The following KCTD14 variants were observed in gnomAD, a reference collection of about 807,000 sequenced individuals.
KCTD14 encodes the protein potassium channel tetramerization domain containing 14.
KCTD14 carries 7 observed loss-of-function variants against 5.9 expected under a neutral mutation model. The observed-to-expected ratio is 1.19, with a 90% CI of 0.68 to 2.23. The LOEUF is 2.23. Among genes scored for constraint, KCTD14 ranks in the 30% most tolerant of loss-of-function variants. KCTD14 has a pLI of 0.00. For missense variants in KCTD14, 342 were observed against 332.2 expected (o/e 1.03, Z -0.23); for synonymous variants, 140 against 133.1 (o/e 1.05, Z -0.36).
At chr11:78,042,377 G>A (rs56361333) in intron 1 of KCTD14, among the ~76,000 whole-genome samples, 2 of 151,976 alleles carry the variant, frequency 1.3e-5, no homozygotes, top group African/African-American at 4.8e-5. Context: ...GCGTGGTGGC[G>A]CATGTCTATA....
At chr11:78,045,099 C>T (rs1858098977) in intron 1 of KCTD14, among the ~76,000 whole-genome samples, 1 of 152,176 alleles carries the variant, frequency 6.6e-6, no homozygotes, top group African/African-American at 2.4e-5. Flanking sequence ...AGCCCACTCA[C>T]CCAACTCCTG....
At chr11:78,033,668 C>T (rs1213474167) in intron 2 of KCTD14, among the ~76,000 whole-genome samples, 9 of 124,376 alleles carry the variant, frequency 7.2e-5, no homozygotes, top group African/African-American at 2.2e-4. Flanking sequence ...GGCAACAGAG[C>T]GAGACTCCTT....
chr11:78,017,161 G>T lies in KCTD14; in HGVS notation c.200C>A (p.Ala67Asp), dbSNP rs1289606849. 4.3e-6 allele frequency: 7 copies of T among 1,614,004 alleles called. No homozygotes were observed. Among genetic ancestry groups the T allele is most frequent in the Non-Finnish European group, 5.9e-6 (7 of 1,180,026 alleles). Residue 67 changes from alanine to aspartate, a missense_variant, in exon 2 of 2, where the codon GCC becomes GAC. Coordinates refer to ENST00000353172, the MANE Select transcript of KCTD14 (RefSeq NM_023930.4). ...SKLAEMFSSLAKASTDAEGRF... is the reference protein window; with the variant it reads ...SKLAEMFSSLDKASTDAEGRF... ...GCCCTCCGCGTCCGTGGAGGCCTTG[G>T]CTAAGCTAGAGAACATCTCTGCCAG... is the stretch of plus-strand genomic sequence containing the variant.
rs552649395 is a variant in KCTD14, at chr11:78,029,599, C to T, written c.-1+9065G>A. On this transcript the variant is annotated intron_variant, in intron 2 of 2. Transcript: ENST00000533144. ...TTTTGAAACTTAATTTTTCTCTCTC[C>T]TGTTCTCACTTTTGTCAAAAAGAGA... Among the ~76,000 whole-genome samples the T allele has an allele frequency of 4.6e-5, 7 of 152,272 alleles. No homozygotes were observed. In the South Asian group the frequency reaches 1.4e-3, roughly 32 times the overall value.
chr11:78,032,800 G>C (rs577136942), intron 2 of KCTD14, among the ~76,000 whole-genome samples: 102 of 150,528 alleles, frequency 6.8e-4, no homozygotes, highest in Non-Finnish European at 1.3e-3. Context: ...AACCTCTCAG[G>C]CTCAACCATG....
At position 78,033,873 on chromosome 11, in the gene KCTD14, A is replaced by G. The variant is rs1310006578; in HGVS notation, c.-1+4791T>C. On this transcript the variant is annotated intron_variant, in intron 2 of 2. Coordinates refer to the KCTD14 transcript ENST00000533144. ...AAAAAAAAAAAAGATAACAAAGAAA[A>G]TAATAGTGTGTGTGTATGTGTGTGT... 1.7e-4 allele frequency among the ~76,000 whole-genome samples: 13 copies of G among 76,818 alleles called. No homozygotes were observed. The Admixed American group carries it at 1.9e-3, about 11-fold the overall frequency. The allele number at this position is 76,818 out of a possible 152,430, so 50.4% of individuals were successfully genotyped here.
chr11:78,016,756 C>A lies in KCTD14; in HGVS notation c.605G>T (p.Gly202Val). The change falls in exon 2 of 2, where the codon GGG (glycine) becomes GTG (valine). Residue 202 changes from glycine (G) to valine (V), a missense_variant. Transcript: ENST00000353172. ...GTTGTCTAGGACCGCCTTCCAGGGCCCAAACTTGACAACAGACTTGAACAT... is the reference window on the plus strand; with the variant it reads ...GTTGTCTAGGACCGCCTTCCAGGGCACAAACTTGACAACAGACTTGAACAT... The part of the protein sequence containing the change: ...KKMFKSVVKF[G>V]PWKAVLDNSD... 2.5e-6 allele frequency: 4 copies of A among 1,614,142 alleles called. No homozygotes were observed. The highest frequency in any genetic ancestry group is 3.4e-6 in the Non-Finnish European group (4 of 1,180,018).
intron 1 of KCTD14, among the ~76,000 whole-genome samples, chr11:78,018,950 T>G (rs960320014): frequency 3.9e-5 from 6 of 152,178 alleles, no homozygotes; most frequent in African/African-American, 1.2e-4. Context: ...CAAACATTCT[T>G]ATTTCATATA....
intron 2 of KCTD14, among the ~76,000 whole-genome samples, chr11:78,034,087 G>A (rs1029963225): frequency 2.6e-5 from 4 of 151,752 alleles, no homozygotes; most frequent in African/African-American, 9.7e-5. Context: ...TGTCACCCAG[G>A]CTGGAGTGCA....
intron 1 of KCTD14, among the ~76,000 whole-genome samples, chr11:78,044,423 G>A (rs1591200077): frequency 6.6e-6 from 1 of 152,284 alleles, no homozygotes; most frequent in East Asian, 1.9e-4. Flanking sequence ...CCGGCAGAAT[G>A]AGACTGGAGG....
chr11:78,038,869 G>T, intron 1 of KCTD14: 1 of 1,256,318 alleles, frequency 8.0e-7, no homozygotes, highest in Non-Finnish European at 1.1e-6. Flanking sequence ...CTGCAGAACT[G>T]GATGGCTACT....
intron 1 of KCTD14, among the ~76,000 whole-genome samples, chr11:78,045,860 C>T (rs1010194708): frequency 5.3e-5 from 8 of 152,162 alleles, no homozygotes; most frequent in African/African-American, 1.7e-4. Context: ...GACGTTGCTG[C>T]CCCTACCGCT....
At chr11:78,045,981 G>T in intron 1 of KCTD14, 1 of 425,214 alleles carries the variant, frequency 2.4e-6, no homozygotes. Flanking sequence ...CCAGTCAGCA[G>T]GTGTCCCAGT....
intron 2 of KCTD14, among the ~76,000 whole-genome samples, chr11:78,037,324 A>G (rs1295286768): frequency 1.3e-5 from 2 of 152,116 alleles, no homozygotes; most frequent in Non-Finnish European, 2.9e-5. Context: ...AGCTCCACCT[A>G]TTCTGTGACC....
At chr11:78,040,603 A>T (rs1413867649) in intron 1 of KCTD14, among the ~76,000 whole-genome samples, 7 of 151,780 alleles carry the variant, frequency 4.6e-5, no homozygotes, top group South Asian at 4.2e-4. Context: ...TCTGTGAGTC[A>T]TCCCTTCCCC....
Position 78,016,404 on chromosome 11 carries a change from G to C in KCTD14, c.*189C>G. On this transcript the variant is annotated 3_prime_UTR_variant, in exon 2 of 2. Coordinates refer to ENST00000353172, the MANE Select transcript of KCTD14 (RefSeq NM_023930.4). Reference sequence around the variant, plus strand: ...AAAGGAAGTAGCTGCAAGTTGCTAGGCAAATATAGTGGCATCAGTTGCAAT... The same window carrying C: ...AAAGGAAGTAGCTGCAAGTTGCTAGCCAAATATAGTGGCATCAGTTGCAAT... 1 of 601,662 alleles carries C rather than the reference G, an allele frequency of 1.7e-6. No homozygotes were observed. The highest frequency in any genetic ancestry group is 1.9e-5 in the African/African-American group (1 of 54,038). The allele number at this position is 601,662 out of a possible 1,614,324, so 37.3% of individuals were successfully genotyped here.
At chr11:78,024,277 G>C (rs4945233), upstream of KCTD14, among the ~76,000 whole-genome samples, 112,538 of 151,226 alleles carry the variant, frequency 0.74, 42,663 homozygotes, top group Non-Finnish European at 0.81. Context: ...CCCAGATACT[G>C]TGGACGCTGA....
In KCTD14 at chr11:78,036,162, AAAAAC is replaced by A. The variant is rs541398262; in HGVS notation, c.-1+2497_-1+2501del. ...TGACAGAATGAGACTGTCTCAAAAA[AAAAAC>A]AAAAGAGTCCCTTTATGAAAGTCTC... On this transcript the variant is annotated intron_variant, in intron 2 of 2. Transcript: ENST00000533144. 3.8e-3 allele frequency among the ~76,000 whole-genome samples: 583 copies of A among 152,284 alleles called. 2 individuals are homozygous for A. The highest frequency in any genetic ancestry group is 0.013 in the African/African-American group (550 of 41,564).
upstream of KCTD14, among the ~76,000 whole-genome samples, chr11:78,025,301 C>T (rs1462792029): frequency 2.0e-5 from 3 of 151,598 alleles, no homozygotes; most frequent in Admixed American, 2.0e-4. Context: ...GCATCCAGCA[C>T]GGGAAAAAGA....
Sources: gnomAD v4.1 joint callset for allele counts (sites outside exome capture counted in the v4.1 genomes callset) on GRCh38, gnomAD v4.1.1 for gene constraint, MANE v1.5 for transcripts, NCBI Gene and HGNC (gene_info 2026-07-23, HGNC 2026-07-21) for gene names.